SBF2: variants seen among roughly 807,000 people sequenced by gnomAD.
The protein encoded by SBF2 is myotubularin-related protein 13.
SBF2 carries 112 observed loss-of-function variants against 225.2 expected under a neutral mutation model. The ratio of observed to expected loss-of-function variants is 0.50; its 90% CI spans 0.43 to 0.58. SBF2 has a LOEUF of 0.58. Among genes scored for constraint, SBF2 ranks in the 20% least tolerant of loss-of-function variants. The pLI, the probability that SBF2 is intolerant of heterozygous loss-of-function variation, is 0.00. For synonymous variants in SBF2, 763 were observed against 773.3 expected (o/e 0.99, Z 0.22); for missense variants, 1,996 against 2,206.2 (o/e 0.90, Z 1.91).
intron 6 of SBF2, among the ~76,000 whole-genome samples, chr11:10,023,266 C>G (rs1202105265): frequency 6.6e-6 from 1 of 152,128 alleles, no homozygotes; most frequent in East Asian, 1.9e-4. Flanking sequence ...TTTCAACCAA[C>G]TGCAATTATT....
chr11:10,287,567 C>G (rs1204638190), intron 1 of SBF2, among the ~76,000 whole-genome samples: 1 of 152,144 alleles, frequency 6.6e-6, no homozygotes, highest in Non-Finnish European at 1.5e-5. Flanking sequence ...TGAGCCACAG[C>G]GGCCAGCCCT....
At chr11:10,243,186 C>T (rs1959404033) in intron 1 of SBF2, among the ~76,000 whole-genome samples, 1 of 151,674 alleles carries the variant, frequency 6.6e-6, no homozygotes, top group Non-Finnish European at 1.5e-5. Flanking sequence ...GAAAAAAATT[C>T]AAAAATATGT....
At chr11:10,132,599 G>A (rs1444531529) in intron 2 of SBF2, among the ~76,000 whole-genome samples, 2 of 149,072 alleles carry the variant, frequency 1.3e-5, no homozygotes, top group Non-Finnish European at 3.0e-5. Flanking sequence ...GCTCAGGAGT[G>A]AAGCTGCAGA....
intron 23 of SBF2, 88 bp downstream of exon 23, chr11:9,846,868 T>G (rs1856585361): frequency 7.0e-7 from 1 of 1,436,466 alleles, no homozygotes; most frequent in South Asian, 1.1e-5. Context: ...TCTTAACTTC[T>G]GAGCACATGA....
At chr11:10,173,884 C>A (rs994376248) in intron 2 of SBF2, among the ~76,000 whole-genome samples, 1 of 151,632 alleles carries the variant, frequency 6.6e-6, no homozygotes, top group African/African-American at 2.4e-5. Context: ...CTGGGAGGCA[C>A]CCCCCAGCAG....
intron 2 of SBF2, among the ~76,000 whole-genome samples, chr11:10,047,717 C>T (rs550801893): frequency 1.5e-4 from 23 of 152,208 alleles, no homozygotes; most frequent in African/African-American, 5.5e-4. Flanking sequence ...ACATGATTTC[C>T]TACATTTGGA....
At chr11:9,990,767 G>T (rs978334560) in intron 12 of SBF2, among the ~76,000 whole-genome samples, 5 of 152,120 alleles carry the variant, frequency 3.3e-5, no homozygotes, top group African/African-American at 1.2e-4. Context: ...TAAAAAATAA[G>T]TTACCATATA....
intron 1 of SBF2, among the ~76,000 whole-genome samples, chr11:10,281,488 T>C (rs1350847535): frequency 6.6e-6 from 1 of 152,204 alleles, no homozygotes; most frequent in Non-Finnish European, 1.5e-5. Context: ...ACAGTCTCTC[T>C]TATGCATGTC....
chr11:10,233,166 T>C (rs536238615), intron 1 of SBF2, among the ~76,000 whole-genome samples: 3 of 152,248 alleles, frequency 2.0e-5, no homozygotes, highest in African/African-American at 4.8e-5. Context: ...TACTCTATCA[T>C]GTCTTCCCTT....
intron 2 of SBF2, among the ~76,000 whole-genome samples, chr11:10,174,518 A>C (rs1404974107): frequency 6.6e-6 from 1 of 152,194 alleles, no homozygotes; most frequent in Non-Finnish European, 1.5e-5. Flanking sequence ...ATGGGAAAAG[A>C]CCAAATCTAC....
intron 12 of SBF2, among the ~76,000 whole-genome samples, chr11:9,990,136 T>A (rs1171517528): frequency 6.6e-6 from 1 of 151,862 alleles, no homozygotes; most frequent in African/African-American, 2.4e-5. Context: ...ACTGTGTGAG[T>A]CTGTATACTT....
rs1280761393 is a variant in SBF2, at chr11:9,992,684, CAAAG to C, written c.1168-145_1168-142del. 4 of 802,456 alleles carry C rather than the reference CAAAG, an allele frequency of 5.0e-6. No individual in the cohort carries two copies. The Admixed American group carries it at 1.3e-4, about 26-fold the overall frequency. The allele number at this position is 802,456 out of a possible 1,614,324, so 49.7% of individuals were successfully genotyped here. On this transcript the variant is annotated intron_variant, in intron 11 of 39. Transcript: ENST00000256190. ...ATGCTGTCATAAAATATATTTCTCT[CAAAG>C]AGAGTTATTCTGAAATACTACATAT...
At chr11:9,857,202 A>G (rs954753853) in intron 18 of SBF2, among the ~76,000 whole-genome samples, 1 of 152,202 alleles carries the variant, frequency 6.6e-6, no homozygotes, top group African/African-American at 2.4e-5. Context: ...CAGATCCAAC[A>G]GGCCTTGAGT....
At chr11:10,138,002 AAAAT>A (rs79609358) in intron 2 of SBF2, among the ~76,000 whole-genome samples, 6 of 150,664 alleles carry the variant, frequency 4.0e-5, no homozygotes, top group Non-Finnish European at 4.4e-5. Context: ...TCCATCTCCA[AAAAT>A]AAATAAATAA....
chr11:9,995,708 C>T (rs569746758), intron 9 of SBF2, among the ~76,000 whole-genome samples: 41 of 149,834 alleles, frequency 2.7e-4, no homozygotes, highest in Non-Finnish European at 4.3e-4. Context: ...TGGAGTGCAA[C>T]GGCGTGATCT....
At chr11:9,827,269 T>C (rs1855125079) in intron 28 of SBF2, among the ~76,000 whole-genome samples, 1 of 152,166 alleles carries the variant, frequency 6.6e-6, no homozygotes, top group Non-Finnish European at 1.5e-5. Flanking sequence ...TTCTCACGCC[T>C]GTAATCCCAG....
At chr11:10,148,112 G>A (rs1315494406) in intron 2 of SBF2, among the ~76,000 whole-genome samples, 1 of 152,104 alleles carries the variant, frequency 6.6e-6, no homozygotes, top group East Asian at 1.9e-4. Context: ...TTATATTTGT[G>A]CTTTACTATA....
intron 17 of SBF2, among the ~76,000 whole-genome samples, chr11:9,860,616 C>T: frequency 6.6e-6 from 1 of 151,994 alleles, no homozygotes. Context: ...TAGATGTGAG[C>T]CCCCATGACC....
intron 8 of SBF2, among the ~76,000 whole-genome samples, chr11:10,000,465 G>A (rs1337866940): frequency 6.6e-6 from 1 of 152,092 alleles, no homozygotes; most frequent in Non-Finnish European, 1.5e-5. Context: ...ATGGCATTAA[G>A]AATACAAAAA....
Sources: gnomAD v4.1 joint callset for allele counts (sites outside exome capture counted in the v4.1 genomes callset) on GRCh38, gnomAD v4.1.1 for gene constraint, MANE v1.5 for transcripts, NCBI Gene and HGNC (gene_info 2026-07-23, HGNC 2026-07-21) for gene names.